The following TRRAP variants were observed in gnomAD, a reference collection of about 807,000 sequenced individuals.
The protein encoded by TRRAP is transformation/transcription domain associated protein, also known as transformation/transcription domain-associated protein.
Under a neutral mutation model 438.8 loss-of-function variants are expected in TRRAP, and 41 were observed. That is an observed-to-expected ratio of 0.09 (90% CI 0.07 to 0.12). TRRAP has a LOEUF of 0.12. Ranked by LOEUF, TRRAP falls within the 10% of genes least tolerant of loss-of-function variation. The probability of loss-of-function intolerance (pLI) is 1.00; values close to 1 mark genes in which losing one functional copy is unlikely to be tolerated. For synonymous variants in TRRAP, 1,994 were observed against 1,962.9 expected (o/e 1.02, Z -0.42); for missense variants, 3,122 against 5,055.1 (o/e 0.62, Z 11.60).
chr7:99,000,210 C>T (rs1334562094), intron 67 of TRRAP, among the ~76,000 whole-genome samples: 2 of 152,084 alleles, frequency 1.3e-5, no homozygotes, highest in Non-Finnish European at 2.9e-5. Context: ...GGTTTCACTA[C>T]GTTGGCCAGG....
intron 38 of TRRAP, 113 bp from the exon 39 acceptor site, chr7:98,950,763 G>T: frequency 1.5e-6 from 2 of 1,303,302 alleles, no homozygotes; most frequent in Non-Finnish European, 2.0e-6. Context: ...CACACCCTGG[G>T]TTGAGTTCCA....
At chr7:98,977,666 G>A (rs979471444) in intron 56 of TRRAP, among the ~76,000 whole-genome samples, 8 of 152,106 alleles carry the variant, frequency 5.3e-5, no homozygotes, top group African/African-American at 1.9e-4. Context: ...TTTTGCTTAC[G>A]TTTTACTCCC....
intron 18 of TRRAP, among the ~76,000 whole-genome samples, chr7:98,915,424 T>C (rs1789478173): frequency 6.6e-6 from 1 of 152,208 alleles, no homozygotes; most frequent in African/African-American, 2.4e-5. Context: ...ACTCCTAATC[T>C]GAGGTAATCT....
intron 67 of TRRAP, chr7:98,999,634 G>C (rs1250680304): frequency 7.8e-6 from 7 of 902,038 alleles, no homozygotes; most frequent in African/African-American, 1.7e-5. Context: ...CTGAGTTGGT[G>C]ACAGCAATTT....
chr7:98,893,985 A>G, intron 6 of TRRAP, 104 bp downstream of exon 6: 1 of 1,014,634 alleles, frequency 9.9e-7, no homozygotes, highest in Non-Finnish European at 1.5e-6. Context: ...ACTGTTTTCA[A>G]GTGTAGAAAT....
At chr7:98,985,682 C>T (rs1226629406) in intron 62 of TRRAP, among the ~76,000 whole-genome samples, 2 of 152,222 alleles carry the variant, frequency 1.3e-5, no homozygotes, top group African/African-American at 4.8e-5. Flanking sequence ...GTGTAGGCTC[C>T]AGTGCCTGCT....
At position 98,981,927 on chromosome 7, in the gene TRRAP, C is replaced by T. The variant is rs753623703; in HGVS notation, c.8793C>T (p.His2931=). 78 of 1,606,888 alleles carry T rather than the reference C, an allele frequency of 4.9e-5. No homozygotes were observed. Among genetic ancestry groups the T allele is most frequent in the South Asian group, 4.7e-4 (42 of 90,266 alleles). Residue 2931 remains histidine, a synonymous_variant, in exon 59 of 73, where the codon CAC becomes CAT. Coordinates refer to ENST00000456197, the MANE Select transcript of TRRAP (RefSeq NM_001375524.1). Reference sequence around the variant, plus strand: ...TCCGCGAGTGGCGGCGGCTGCCCCACGTAGTGTCCCACGTGCACACGCCTC... The same window carrying T: ...TCCGCGAGTGGCGGCGGCTGCCCCATGTAGTGTCCCACGTGCACACGCCTC... ...LAIREWRRLP[H]VVSHVHTPLL...
intron 18 of TRRAP, among the ~76,000 whole-genome samples, chr7:98,915,260 T>C (rs1789468286): frequency 6.6e-6 from 1 of 152,126 alleles, no homozygotes; most frequent in Non-Finnish European, 1.5e-5. Flanking sequence ...TGGTGCCATC[T>C]CGGCTCACTG....
intron 67 of TRRAP, among the ~76,000 whole-genome samples, chr7:99,002,999 C>T (rs190665154): frequency 4.6e-5 from 7 of 152,312 alleles, no homozygotes; most frequent in African/African-American, 7.2e-5. Flanking sequence ...GGTTCAGCGG[C>T]GTGCTCCAAG....
intron 6 of TRRAP, among the ~76,000 whole-genome samples, chr7:98,895,075 A>T (rs1032751023): frequency 3.9e-5 from 6 of 152,114 alleles, no homozygotes; most frequent in South Asian, 2.1e-4. Flanking sequence ...TACAATTTTT[A>T]AAAAAATTTT....
At chr7:98,985,073 G>A (rs762486455) in intron 62 of TRRAP, 29 bp downstream of exon 62, 3 of 1,438,460 alleles carry the variant, frequency 2.1e-6, no homozygotes, top group Admixed American at 2.0e-5. Flanking sequence ...AAGGATAAGA[G>A]AAAAAATGCA....
intron 12 of TRRAP, among the ~76,000 whole-genome samples, chr7:98,905,388 C>T (rs1796681157): frequency 6.6e-6 from 1 of 152,208 alleles, no homozygotes; most frequent in Non-Finnish European, 1.5e-5. Flanking sequence ...CTTTATTTGA[C>T]TTACTGCAGC....
intron 69 of TRRAP, among the ~76,000 whole-genome samples, chr7:99,006,371 T>A (rs1241124413): frequency 1.3e-5 from 2 of 152,234 alleles, no homozygotes; most frequent in Admixed American, 6.5e-5. Flanking sequence ...AAGATTTTTT[T>A]AAAAGCCTAA....
chr7:98,961,098 A>C (rs959158100), intron 45 of TRRAP, among the ~76,000 whole-genome samples, 163 bp from the exon 46 acceptor site: 2 of 152,224 alleles, frequency 1.3e-5, no homozygotes, highest in African/African-American at 4.8e-5. Flanking sequence ...GATTTTATAA[A>C]GTAATCATTC....
At chr7:98,959,310 T>G in intron 44 of TRRAP, 34 bp from the exon 45 acceptor site, 1 of 1,608,748 alleles carries the variant, frequency 6.2e-7, no homozygotes, top group Non-Finnish European at 8.5e-7. Flanking sequence ...TCGGATGCAG[T>G]GAAATGCCGG....
intron 49 of TRRAP, among the ~76,000 whole-genome samples, chr7:98,966,600 G>A (rs1188128463): frequency 1.3e-5 from 2 of 151,926 alleles, no homozygotes; most frequent in African/African-American, 4.8e-5. Context: ...CCAGAGAATC[G>A]CTTGAATCCA....
In TRRAP at chr7:99,012,461, T is replaced by C; in HGVS notation, c.*106T>C. 7.6e-7 allele frequency: 1 copy of C among 1,308,566 alleles called. No individual in the cohort carries two copies. 81.1% of individuals were successfully genotyped at this position (1,308,566 alleles called of 1,614,324 possible). ...GTTCCTTATATTCACAGAAGCCCCA[T>C]AGTTTCACTGGGTTGCGGTTATTTT... On this transcript the variant is annotated 3_prime_UTR_variant, in exon 73 of 73. Coordinates refer to ENST00000456197, the MANE Select transcript of TRRAP (RefSeq NM_001375524.1). This position sits in a 1 kb window ranked among gnomAD's most constrained non-coding sequence, Gnocchi z 5.9.
intron 3 of TRRAP, among the ~76,000 whole-genome samples, chr7:98,889,843 C>T (rs1795889095): frequency 6.6e-6 from 1 of 152,164 alleles, no homozygotes; most frequent in Non-Finnish European, 1.5e-5. Flanking sequence ...GCATGAGCTA[C>T]AGTGCCCAGC....
At position 98,956,598 on chromosome 7, in the gene TRRAP, A is replaced by T. The variant is rs911107276; in HGVS notation, c.6231+65A>T. 3 of 1,558,106 alleles carry T rather than the reference A, an allele frequency of 1.9e-6. No homozygotes were observed. Among genetic ancestry groups the T allele is most frequent in the Non-Finnish European group, 1.7e-6 (2 of 1,155,676 alleles). The stretch of plus-strand genomic sequence containing the variant: ...CTGGGAGTTGGTTCGTTTATTCCCT[A>T]TATTTAGAATGTGAGCTCGGTGCTC... On this transcript the variant is annotated intron_variant, in intron 43 of 72. Transcript: ENST00000456197. The surrounding 1 kb of genome is among the most constrained non-coding windows in gnomAD (Gnocchi z 4.5).
Sources: allele counts gnomAD v4.1 joint callset (sites outside exome capture counted in the v4.1 genomes callset), GRCh38; gene constraint gnomAD v4.1.1; non-coding constraint Gnocchi (gnomAD v3.1); transcripts MANE v1.5; gene names NCBI Gene and HGNC (gene_info 2026-07-23, HGNC 2026-07-21).